MARK2: variants seen among roughly 807,000 people sequenced by gnomAD.
MARK2 encodes microtubule affinity regulating kinase 2.
A neutral mutation model predicts 89.8 loss-of-function variants in MARK2; 16 were observed. The ratio of observed to expected loss-of-function variants is 0.18; its 90% CI spans 0.12 to 0.27. The LOEUF (loss-of-function observed/expected upper bound fraction) is 0.27, where lower values mean the gene tolerates loss of function less well. MARK2 is among the 10% of genes least tolerant of loss of function. MARK2 has a pLI of 1.00. For synonymous variants in MARK2, 382 were observed against 399.5 expected (o/e 0.96, Z 0.52); for missense variants, 621 against 1,049.9 (o/e 0.59, Z 5.65).
At chr11:63,878,710 T>C (rs1010776572) in intron 1 of MARK2, among the ~76,000 whole-genome samples, 1 of 152,040 alleles carries the variant, frequency 6.6e-6, no homozygotes, top group African/African-American at 2.4e-5. Context: ...GCTTGAAGAC[T>C]AGGGAGCCCC....
intron 2 of MARK2, 43 bp from the exon 3 acceptor site, chr11:63,895,537 C>G: frequency 6.3e-7 from 1 of 1,585,410 alleles, no homozygotes; most frequent in Non-Finnish European, 8.7e-7. Context: ...CTGGGTTTCG[C>G]TGGTCAGAGA....
intron 7 of MARK2, 24 bp downstream of exon 7, chr11:63,899,132 G>A (rs1940656159): frequency 6.4e-7 from 1 of 1,553,094 alleles, no homozygotes; most frequent in Non-Finnish European, 8.9e-7. Context: ...TTCTCCTTGT[G>A]CCTTTGAGTG....
Position 63,900,490 on chromosome 11 carries a change from C to T in MARK2, c.769-69C>T. 1.9e-6 allele frequency: 3 copies of T among 1,561,764 alleles called. No individual in the cohort carries two copies. Among genetic ancestry groups the T allele is most frequent in the Non-Finnish European group, 2.6e-6 (3 of 1,144,952 alleles). On this transcript the variant is annotated intron_variant, in intron 8 of 18. Coordinates refer to ENST00000402010, the MANE Select transcript of MARK2 (RefSeq NM_001039469.3). This position sits in a 1 kb window ranked among gnomAD's most constrained non-coding sequence, Gnocchi z 4.7. ...TTTGCCAGGCTTAAGCTCTCAGGATCTTGGATATTAGGTTTCTTCCTTTGG... is the reference window on the plus strand; with the variant it reads ...TTTGCCAGGCTTAAGCTCTCAGGATTTTGGATATTAGGTTTCTTCCTTTGG...
rs575165204 is a variant in MARK2 at position 63,878,112 on chromosome 11, G to A, written c.55-17047G>A. Among the ~76,000 whole-genome samples, 20 of 152,324 alleles carry A rather than the reference G, an allele frequency of 1.3e-4. 2 individuals carry two copies. In the South Asian group the frequency reaches 3.5e-3, roughly 27 times the overall value. ...CATCGGTTGCCTAGTAGGGAAGACA[G>A]TTGTAAAGAGCATTTGCCCCTGTTA... On this transcript the variant is annotated intron_variant, in intron 1 of 18. Coordinates refer to ENST00000402010, the MANE Select transcript of MARK2 (RefSeq NM_001039469.3).
intron 3 of MARK2, among the ~76,000 whole-genome samples, chr11:63,897,102 C>T (rs983067151): frequency 1.3e-5 from 2 of 152,176 alleles, no homozygotes; most frequent in Non-Finnish European, 2.9e-5. Context: ...GAAGCTAGCC[C>T]CCTCAGGGGT....
At chr11:63,868,500 AG>A (rs1166857445) in intron 1 of MARK2, 1 of 309,536 alleles carries the variant, frequency 3.2e-6, no homozygotes, top group Non-Finnish European at 6.5e-6. Flanking sequence ...TAATGACTAC[AG>A]AGAAGTGCTT....
At chr11:63,905,548 T>A (rs940249058) in intron 16 of MARK2, among the ~76,000 whole-genome samples, 1 of 152,232 alleles carries the variant, frequency 6.6e-6, no homozygotes, top group Middle Eastern at 3.2e-3. Context: ...GGGTGAAACC[T>A]ATAAATGAAA....
chr11:63,860,098 A>G (rs1235598331), intron 1 of MARK2, among the ~76,000 whole-genome samples: 1 of 152,154 alleles, frequency 6.6e-6, no homozygotes, highest in Non-Finnish European at 1.5e-5. Context: ...GTAGTATATA[A>G]TCTGTAAACT....
chr11:63,873,584 G>C (rs1938575119), intron 1 of MARK2, among the ~76,000 whole-genome samples: 1 of 152,216 alleles, frequency 6.6e-6, no homozygotes, highest in Non-Finnish European at 1.5e-5. Context: ...TAAGACTTGA[G>C]AGCCTGAGGC....
intron 1 of MARK2, among the ~76,000 whole-genome samples, chr11:63,878,764 C>G (rs1021863135): frequency 1.3e-5 from 2 of 152,012 alleles, no homozygotes; most frequent in Non-Finnish European, 2.9e-5. Flanking sequence ...GATCTGTTCC[C>G]GGGTCCTGAG....
intron 7 of MARK2, 152 bp from the exon 8 acceptor site, chr11:63,899,722 C>T (rs934052527): frequency 7.3e-6 from 5 of 688,444 alleles, no homozygotes; most frequent in African/African-American, 1.8e-5. Flanking sequence ...AGCCTATTCA[C>T]GCTGATTGAA....
chr11:63,893,762 G>C (rs117717756), intron 1 of MARK2, among the ~76,000 whole-genome samples: 50 of 152,226 alleles, frequency 3.3e-4, no homozygotes, highest in African/African-American at 1.1e-3. Flanking sequence ...AATTCTACAC[G>C]TAACCCCATA....
intron 18 of MARK2, 76 bp from the exon 19 acceptor site, chr11:63,908,801 G>C: frequency 7.2e-7 from 1 of 1,386,994 alleles, no homozygotes; most frequent in Non-Finnish European, 9.4e-7. Context: ...GGGCTCAGGG[G>C]CTGTCTGCCA....
chr11:63,874,915 G>A (rs1030728493), intron 1 of MARK2, among the ~76,000 whole-genome samples: 1 of 152,124 alleles, frequency 6.6e-6, no homozygotes, highest in Non-Finnish European at 1.5e-5. Context: ...CTGTTCCCAT[G>A]GGGTAGGGCT....
At chr11:63,848,910 T>C (rs1021746790) in intron 1 of MARK2, among the ~76,000 whole-genome samples, 1 of 151,966 alleles carries the variant, frequency 6.6e-6, no homozygotes, top group Non-Finnish European at 1.5e-5. Context: ...GATTTCACCA[T>C]GTTGGCCAGG....
In MARK2 at chr11:63,888,262, G is replaced by A. The variant is rs576329141; in HGVS notation, c.55-6897G>A. 3.3e-4 allele frequency among the ~76,000 whole-genome samples: 50 copies of A among 152,188 alleles called. 2 individuals carry two copies. The South Asian group carries it at 1.0e-2, about 30-fold the overall frequency. On this transcript the variant is annotated intron_variant, in intron 1 of 18. Coordinates refer to ENST00000402010, the MANE Select transcript of MARK2 (RefSeq NM_001039469.3). ...TCGTTCTTGAGGGGGTGGTTTGCTGGTCTTTGGCAGGGCCGCCACTCTGGG... is the reference window on the plus strand; with the variant it reads ...TCGTTCTTGAGGGGGTGGTTTGCTGATCTTTGGCAGGGCCGCCACTCTGGG...
At chr11:63,856,983 T>G (rs1247110059) in intron 1 of MARK2, among the ~76,000 whole-genome samples, 1 of 151,444 alleles carries the variant, frequency 6.6e-6, no homozygotes, top group Non-Finnish European at 1.5e-5. Context: ...GGCTAATTTT[T>G]TGTATTTTTA....
rs1941662229 is a variant in MARK2 at position 63,910,185 on chromosome 11, CT to C, written c.*951del. 1 of 152,682 alleles carries C rather than the reference CT, an allele frequency of 6.5e-6. No individual in the cohort carries two copies. Among genetic ancestry groups the C allele is most frequent in the East Asian group, 1.9e-4 (1 of 5,196 alleles). 9.5% of individuals were successfully genotyped at this position (152,682 alleles called of 1,614,324 possible). On this transcript the variant is annotated 3_prime_UTR_variant, in exon 19 of 19. Transcript: ENST00000402010. ...ACTGGGCACTCTGTGATGGGGGAGC[CT>C]TTGTCTGAAAGCACAGCCCCCTCGC... is the stretch of plus-strand genomic sequence containing the variant.
intron 1 of MARK2, among the ~76,000 whole-genome samples, chr11:63,855,710 A>G (rs574453085): frequency 6.6e-6 from 1 of 152,306 alleles, no homozygotes; most frequent in East Asian, 1.9e-4. Context: ...TTTCAACTAC[A>G]TGTCTCTGTG....
Sources: allele counts gnomAD v4.1 joint callset (sites outside exome capture counted in the v4.1 genomes callset), GRCh38; gene constraint gnomAD v4.1.1; non-coding constraint Gnocchi (gnomAD v3.1); transcripts MANE v1.5; gene names NCBI Gene and HGNC (gene_info 2026-07-23, HGNC 2026-07-21).